CUBN: variants seen among roughly 807,000 people sequenced by gnomAD.
The protein encoded by CUBN is cubilin.
A neutral mutation model predicts 405.3 loss-of-function variants in CUBN; 282 were observed. The observed-to-expected ratio is 0.70, with a 90% confidence interval of 0.63 to 0.77. The LOEUF is 0.77. Among genes scored for constraint, CUBN ranks in the 30% least tolerant of loss-of-function variants. CUBN has a pLI of 0.00. For synonymous variants in CUBN, 1,684 were observed against 1,617.0 expected (o/e 1.04, Z -0.99); for missense variants, 4,514 against 4,475.2 (o/e 1.01, Z -0.25).
At chr10:17,022,980 G>A (rs1426460167) in intron 27 of CUBN, among the ~76,000 whole-genome samples, 1 of 152,186 alleles carries the variant, frequency 6.6e-6, no homozygotes, top group African/African-American at 2.4e-5. Context: ...ATACTAGGTC[G>A]CAGCATGTTG....
chr10:17,106,276 C>T (rs182842759), intron 10 of CUBN, among the ~76,000 whole-genome samples: 75 of 151,290 alleles, frequency 5.0e-4, no homozygotes, highest in African/African-American at 1.7e-3. Context: ...CAGAGTGAGA[C>T]TCCATTTCCA....
At chr10:17,112,149 T>C (rs1039365074) in intron 8 of CUBN, among the ~76,000 whole-genome samples, 4 of 152,190 alleles carry the variant, frequency 2.6e-5, no homozygotes, top group Non-Finnish European at 5.9e-5. Flanking sequence ...TTATTAAAAT[T>C]ATAAGAATTC....
At chr10:16,880,650 A>G (rs912465363) in intron 56 of CUBN, among the ~76,000 whole-genome samples, 9 of 152,272 alleles carry the variant, frequency 5.9e-5, no homozygotes, top group African/African-American at 2.2e-4. Flanking sequence ...CATTCAAAGA[A>G]TCTTGACAAA....
chr10:16,889,280 G>T (rs1030219399), intron 55 of CUBN, among the ~76,000 whole-genome samples: 2 of 152,124 alleles, frequency 1.3e-5, no homozygotes, highest in Admixed American at 6.5e-5. Flanking sequence ...CTAAGATTTG[G>T]TCTAGGGTTG....
Position 16,888,519 on chromosome 10 carries a change from T to C in CUBN, c.8803A>G (p.Asn2935Asp), listed in dbSNP as rs748116486. Residue 2935 changes from asparagine (N) to aspartate (D), a missense_variant, in exon 56 of 67, where the codon AAT (asparagine) becomes GAT (aspartate). Asn to Asp is a conservative substitution (Grantham distance 23). This residue lies in a region of CUBN where 1,186 missense variants were observed against 1,186.9 expected (regional missense o/e 1.00). Transcript: ENST00000377833. Reference protein sequence around the residue: ...TGPSGYIISPNYPKQYDNNMN... With the variant: ...TGPSGYIISPDYPKQYDNNMN... ...TTGTTGTCATATTGTTTTGGGTAATTTGGAGAAATGATGTAACCTGAAGGG... is the reference window on the plus strand; with the variant it reads ...TTGTTGTCATATTGTTTTGGGTAATCTGGAGAAATGATGTAACCTGAAGGG... 2 of 1,613,588 alleles carry C rather than the reference T, an allele frequency of 1.2e-6. No individual in the cohort carries two copies. The highest frequency in any genetic ancestry group is 1.1e-5 in the South Asian group (1 of 91,066).
At chr10:16,874,898 G>C (rs1339147722) in intron 57 of CUBN, among the ~76,000 whole-genome samples, 1 of 152,072 alleles carries the variant, frequency 6.6e-6, no homozygotes, top group African/African-American at 2.4e-5. Flanking sequence ...TGTTCTGGGC[G>C]TACAGATCTA....
intron 49 of CUBN, 55 bp downstream of exon 49, chr10:16,907,453 G>A: frequency 6.4e-7 from 1 of 1,562,398 alleles, no homozygotes; most frequent in East Asian, 2.2e-5. Context: ...AGTAGATGGG[G>A]GCATCTGCAG....
intron 31 of CUBN, among the ~76,000 whole-genome samples, chr10:16,970,403 C>G (rs998859840): frequency 3.3e-5 from 5 of 152,140 alleles, no homozygotes; most frequent in African/African-American, 1.2e-4. Flanking sequence ...GGTGAAACCC[C>G]ATCTCCACTA....
chr10:17,070,498 T>C lies in CUBN; in HGVS notation c.2625+928A>G, dbSNP rs527437923. Among the ~76,000 whole-genome samples, 7 of 152,322 alleles carry C rather than the reference T, an allele frequency of 4.6e-5. No homozygotes were observed. In the East Asian group the frequency reaches 1.3e-3, roughly 29 times the overall value. On this transcript the variant is annotated intron_variant, in intron 19 of 66. Coordinates refer to ENST00000377833, the MANE Select transcript of CUBN (RefSeq NM_001081.4). ...AATATTGTCTTCTAATCCATGAACA[T>C]TAAATGTCTTTCCATTTATTTAGGT...
At chr10:17,120,985 C>T (rs2131320786) in intron 6 of CUBN, among the ~76,000 whole-genome samples, 1 of 152,254 alleles carries the variant, frequency 6.6e-6, no homozygotes, top group South Asian at 2.1e-4. Context: ...TTGATAAATG[C>T]CCATAAACAG....
intron 31 of CUBN, among the ~76,000 whole-genome samples, chr10:16,972,634 C>T (rs1181694052): frequency 6.6e-6 from 1 of 151,902 alleles, no homozygotes; most frequent in African/African-American, 2.4e-5. Context: ...AGATGGGGTC[C>T]AGGCTGGTGT....
chr10:17,020,160 G>A (rs1384671879), intron 27 of CUBN, among the ~76,000 whole-genome samples, 177 bp from the exon 28 acceptor site: 1 of 152,156 alleles, frequency 6.6e-6, no homozygotes, highest in Admixed American at 6.5e-5. Context: ...ATTGCATAGA[G>A]AGGGTATTAG....
Position 16,888,440 on chromosome 10 carries a change from GT to G in CUBN, c.8881del (p.Thr2961LeufsTer7). 1 of 1,613,452 alleles carries G rather than the reference GT, an allele frequency of 6.2e-7. No homozygotes were observed. The highest frequency in any genetic ancestry group is 8.5e-7 in the Non-Finnish European group (1 of 1,179,498). On this transcript the variant is annotated frameshift_variant, in exon 56 of 67. Transcript: ENST00000377833. LOFTEE classifies it high-confidence loss of function. ...ACCTTCTAAGTGGAAGGACACAAAAGTCAAGAGGACCACTGACAGAGGATTA... is the reference window on the plus strand; with the variant it reads ...ACCTTCTAAGTGGAAGGACACAAAAGCAAGAGGACCACTGACAGAGGATTA... Reference protein sequence around the residue: ...EANPLSVVLLTFVSFHLEARS... With the variant: ...EANPLSVVLLXFVSFHLEARS...
intron 31 of CUBN, among the ~76,000 whole-genome samples, chr10:16,959,917 G>A (rs1277836285): frequency 8.5e-5 from 13 of 152,062 alleles, no homozygotes; most frequent in African/African-American, 2.9e-4. Context: ...TTTTCTGATC[G>A]TTACTTAAGT....
Position 17,068,153 on chromosome 10 carries a change from C to A in CUBN, c.2919G>T (p.Met973Ile). 6.2e-7 allele frequency: 1 copy of A among 1,613,610 alleles called. No homozygotes were observed. Among genetic ancestry groups the A allele is most frequent in the South Asian group, 1.1e-5 (1 of 91,066 alleles). ...LVQPNHLIHL[M>I]FETFHLEFHY... ...GAAACTCCAGATGAAATGTTTCGAA[C>A]ATTAAATGAATCAGGTGATTAGGTT... Residue 973 changes from methionine (M) to isoleucine (I), a missense_variant, in exon 21 of 67, where the codon ATG becomes ATT. Met to Ile is a conservative substitution (Grantham distance 10, BLOSUM62 1). Transcript: ENST00000377833.
intron 51 of CUBN, among the ~76,000 whole-genome samples, chr10:16,902,338 AT>A (rs942169092): frequency 9.7e-5 from 14 of 143,730 alleles, no homozygotes; most frequent in East Asian, 2.0e-4. Flanking sequence ...TATATTTTGT[AT>A]TTTTTTGTGT....
chr10:17,027,130 A>G (rs1476803233), intron 27 of CUBN, among the ~76,000 whole-genome samples: 1 of 152,154 alleles, frequency 6.6e-6, no homozygotes, highest in African/African-American at 2.4e-5. Flanking sequence ...CTTTCTATAT[A>G]TTACTCCTAT....
chr10:17,044,062 G>C, intron 25 of CUBN, 79 bp from the exon 26 acceptor site: 3 of 856,138 alleles, frequency 3.5e-6, no homozygotes, highest in Non-Finnish European at 5.2e-6. Context: ...AAGAAGTGAG[G>C]AAGAAAAAAT....
chr10:17,025,192 G>A (rs909583257), intron 27 of CUBN, among the ~76,000 whole-genome samples: 1 of 152,112 alleles, frequency 6.6e-6, no homozygotes, highest in Admixed American at 6.5e-5. Context: ...TCTTTCTATA[G>A]AATAAAAATT....
Sources: allele counts gnomAD v4.1 joint callset (sites outside exome capture counted in the v4.1 genomes callset), GRCh38; gene constraint gnomAD v4.1.1; regional missense constraint gnomAD v4.1.1; transcripts MANE v1.5; gene names NCBI Gene and HGNC (gene_info 2026-07-23, HGNC 2026-07-21).